FBLIM1: variants seen among roughly 807,000 people sequenced by gnomAD.
The protein encoded by FBLIM1 is filamin binding LIM protein 1.
In FBLIM1, 29 loss-of-function variants were observed where a neutral mutation model predicts 37.4. The observed-to-expected ratio is 0.77, with a 90% CI of 0.58 to 1.06. The LOEUF (loss-of-function observed/expected upper bound fraction) is 1.06. Ranked by LOEUF, FBLIM1 falls within the 50% of genes least tolerant of loss-of-function variation. The probability of loss-of-function intolerance (pLI) is 0.00; values close to 1 mark genes in which losing one functional copy is unlikely to be tolerated. For missense variants in FBLIM1, 449 were observed against 505.6 expected, an observed-to-expected ratio of 0.89 and a Z score of 1.07; for synonymous variants, 193 against 199.0, an observed-to-expected ratio of 0.97 and a Z score of 0.25.
rs367784869 is a variant in FBLIM1 at position 15,784,669 on chromosome 1, C to T, written c.*8C>T. ...GCTGCGGGGTGCTGCTGAGAGTGCCCGCTGGGCAGTGAACAGACCACTAGC... is the reference window on the plus strand; with the variant it reads ...GCTGCGGGGTGCTGCTGAGAGTGCCTGCTGGGCAGTGAACAGACCACTAGC... On this transcript the variant is annotated 3_prime_UTR_variant, in exon 9 of 9. Transcript: ENST00000375766. 4.3e-5 allele frequency: 69 copies of T among 1,612,958 alleles called. 1 individual carries two copies. The highest frequency in any genetic ancestry group is 6.7e-5 in the East Asian group (3 of 44,896).
Position 15,786,506 on chromosome 1 carries a change from C to T in FBLIM1, c.*1845C>T, listed in dbSNP as rs1433346716. 6.6e-6 allele frequency: 1 copy of T among 152,254 alleles called. No homozygotes were observed. Among genetic ancestry groups the T allele is most frequent in the Non-Finnish European group, 1.5e-5 (1 of 68,052 alleles). 9.4% of individuals were successfully genotyped at this position (152,254 alleles called of 1,614,324 possible). A position where few individuals can be genotyped will look rare whatever the true frequency, so the allele number is the denominator to read the frequency against. On this transcript the variant is annotated 3_prime_UTR_variant, in exon 9 of 9. Coordinates refer to ENST00000375766, the MANE Select transcript of FBLIM1 (RefSeq NM_017556.4). ...CTTCTGACTTTAGCCTCGTGCTGAG[C>T]CGTGTATCCATGCAGTCATGTTCAC... is the stretch of plus-strand genomic sequence containing the variant.
rs540701437 is a variant in FBLIM1 at position 15,766,637 on chromosome 1, C to T, written c.251-739C>T. Among the ~76,000 whole-genome samples, 18 of 151,086 alleles carry T rather than the reference C, an allele frequency of 1.2e-4. No homozygotes were observed. The South Asian group carries it at 1.5e-3, about 12-fold the overall frequency. ...TAGATGGAGTTTTGCTTTTGTTGCCCGGGCTGGAGTGCAGTGGCGCAATCT... is the reference window on the plus strand; with the variant it reads ...TAGATGGAGTTTTGCTTTTGTTGCCTGGGCTGGAGTGCAGTGGCGCAATCT... On this transcript the variant is annotated intron_variant, in intron 3 of 8. Transcript: ENST00000375766.
chr1:15,781,875 C>A (rs1337830623), intron 8 of FBLIM1, among the ~76,000 whole-genome samples: 2 of 63,886 alleles, frequency 3.1e-5, no homozygotes, highest in African/African-American at 1.3e-4. Context: ...CCTGCCACCA[C>A]GCCTGGCTAA....
At chr1:15,768,704 A>C (rs2069052105) in intron 5 of FBLIM1, 74 bp downstream of exon 5, 1 of 1,201,816 alleles carries the variant, frequency 8.3e-7, no homozygotes, top group South Asian at 1.7e-5. Context: ...AGAAACCAAG[A>C]GAGTGAGGAC....
intron 6 of FBLIM1, among the ~76,000 whole-genome samples, chr1:15,773,250 G>A (rs2069309032): frequency 6.6e-6 from 1 of 151,848 alleles, no homozygotes; most frequent in Non-Finnish European, 1.5e-5. Context: ...GCCAGGCATG[G>A]TGCGTGCCTG....
intron 8 of FBLIM1, among the ~76,000 whole-genome samples, chr1:15,781,986 G>A (rs1203825985): frequency 1.3e-5 from 2 of 151,732 alleles, no homozygotes; most frequent in East Asian, 3.9e-4. Flanking sequence ...CCAAAGAGCT[G>A]GAATTACAGG....
At position 15,765,186 on chromosome 1, in the gene FBLIM1, G is replaced by T. The variant is rs1370707729; in HGVS notation, c.203G>T (p.Arg68Ile). Residue 68 changes from arginine to isoleucine, a missense_variant, in exon 3 of 9, where the codon AGA becomes ATA. Physicochemically the swap from Arg to Ile is moderately conservative, Grantham distance 97. Coordinates refer to ENST00000375766, the MANE Select transcript of FBLIM1 (RefSeq NM_017556.4). This position sits in a 1 kb window ranked among gnomAD's most constrained non-coding sequence, Gnocchi z 5.9. ...CCCAGCCCCTGGACAACCCCTGGCA[G>T]AGCTGCAGCCACAGTGCCGGCTGCA... Reference protein sequence around the residue: ...GRPSPWTTPGRAAATVPAAPM... With the variant: ...GRPSPWTTPGIAAATVPAAPM... 1 of 1,613,798 alleles carries T rather than the reference G, an allele frequency of 6.2e-7. No homozygotes were observed. The highest frequency in any genetic ancestry group is 1.1e-5 in the South Asian group (1 of 91,044).
At chr1:15,769,078 C>G (rs1458535599) in intron 5 of FBLIM1, among the ~76,000 whole-genome samples, 1 of 152,152 alleles carries the variant, frequency 6.6e-6, no homozygotes, top group East Asian at 1.9e-4. Context: ...AAATATGTGT[C>G]CACCTGCTCC....
At chr1:15,770,603 G>A in intron 6 of FBLIM1, 25 bp downstream of exon 6, 1 of 1,610,170 alleles carries the variant, frequency 6.2e-7, no homozygotes, top group Non-Finnish European at 8.5e-7. Context: ...AGACCTCTGG[G>A]TGCCAGGCAG....
intron 1 of FBLIM1, among the ~76,000 whole-genome samples, chr1:15,759,738 G>T (rs1371590849): frequency 1.3e-5 from 2 of 152,108 alleles, no homozygotes; most frequent in East Asian, 1.9e-4. Flanking sequence ...ACCTATTCGG[G>T]GTCACCCCGC....
Position 15,784,652 on chromosome 1 carries a change from G to C in FBLIM1, c.1113G>C (p.Gly371=). Reference sequence around the variant, plus strand: ...GCCATGTGAAGCGGAGTGCTGCGGGGTGCTGCTGAGAGTGCCCGCTGGGCA... The same window carrying C: ...GCCATGTGAAGCGGAGTGCTGCGGGCTGCTGCTGAGAGTGCCCGCTGGGCA... The part of the protein sequence containing the change: ...KPCHVKRSAA[G]CC Residue 371 remains glycine (G), a synonymous_variant, in exon 9 of 9, where the codon GGG becomes GGC. Transcript: ENST00000375766. 1 of 1,613,936 alleles carries C rather than the reference G, an allele frequency of 6.2e-7. No homozygotes were observed. The highest frequency in any genetic ancestry group is 2.2e-5 in the East Asian group (1 of 44,886).
intron 6 of FBLIM1, among the ~76,000 whole-genome samples, chr1:15,773,491 C>A (rs1214199488): frequency 6.6e-6 from 1 of 151,378 alleles, no homozygotes; most frequent in Non-Finnish European, 1.5e-5. Context: ...CCAGCCTGAC[C>A]AACATGGAGA....
chr1:15,780,732 G>C (rs77421831), intron 8 of FBLIM1, among the ~76,000 whole-genome samples: 1 of 152,088 alleles, frequency 6.6e-6, no homozygotes, highest in Non-Finnish European at 1.5e-5. Context: ...TGAGTATTTC[G>C]ACACACCTGT....
intron 7 of FBLIM1, 47 bp downstream of exon 7, chr1:15,774,843 G>T (rs778918387): frequency 1.2e-6 from 2 of 1,613,902 alleles, no homozygotes; most frequent in Admixed American, 3.3e-5. Context: ...GACAGGGCGA[G>T]ACCCAAGCAG....
chr1:15,764,692 G>A lies in FBLIM1; in HGVS notation c.-21+7G>A. 2.2e-6 allele frequency: 1 copy of A among 461,610 alleles called. No individual in the cohort carries two copies. The highest frequency in any genetic ancestry group is 3.9e-6 in the Non-Finnish European group (1 of 259,512). 28.6% of individuals were successfully genotyped at this position (461,610 alleles called of 1,614,324 possible). A position where few individuals can be genotyped will look rare whatever the true frequency, so the allele number is the denominator to read the frequency against. ...CAAGGAAGAGTGATCATTGGTGAGG[G>A]CTGCCCTTTGCTCCCCTAGGTGTGC... On this transcript the variant is annotated splice_region_variant and intron_variant, in intron 2 of 8. Coordinates refer to ENST00000375766, the MANE Select transcript of FBLIM1 (RefSeq NM_017556.4).
Position 15,764,974 on chromosome 1 carries a change from A to G in FBLIM1, c.-10A>G, listed in dbSNP as rs1333516119. 6.2e-7 allele frequency: 1 copy of G among 1,609,640 alleles called. No homozygotes were observed. The highest frequency in any genetic ancestry group is 2.2e-5 in the East Asian group (1 of 44,820). On this transcript the variant is annotated 5_prime_UTR_variant, in exon 3 of 9. Coordinates refer to ENST00000375766, the MANE Select transcript of FBLIM1 (RefSeq NM_017556.4). ...CCACTCTGTCCCTAGCCACACCAGG[A>G]GCTGAAGCCATGGCCTCAAAGCCTG...
In FBLIM1 at chr1:15,774,770, G is replaced by A; in HGVS notation, c.864G>A (p.Glu288=). Residue 288 remains glutamate (E), a synonymous_variant, in exon 7 of 9, where the codon GAG becomes GAA. Transcript: ENST00000375766. ...GCTTTGCCCTGGGCAGCCAGAACGA[G>A]GTGTACTGCCTGGACGACTTCTACA... ...DESFALGSQN[E]VYCLDDFYRK... 1 of 1,614,186 alleles carries A rather than the reference G, an allele frequency of 6.2e-7. No homozygotes were observed. The highest frequency in any genetic ancestry group is 8.5e-7 in the Non-Finnish European group (1 of 1,180,020).
intron 6 of FBLIM1, among the ~76,000 whole-genome samples, chr1:15,773,181 T>A (rs1320534651): frequency 2.6e-5 from 4 of 152,072 alleles, no homozygotes; most frequent in South Asian, 2.1e-4. Flanking sequence ...AGGTTAGGAG[T>A]TCGAGACCAG....
chr1:15,777,437 C>G (rs917132889), intron 8 of FBLIM1, 150 bp downstream of exon 8: 1 of 567,070 alleles, frequency 1.8e-6, no homozygotes, highest in South Asian at 2.4e-5. Flanking sequence ...ACTGGAAATG[C>G]AACCATAGTC....
Sources: allele counts gnomAD v4.1 joint callset (sites outside exome capture counted in the v4.1 genomes callset), GRCh38; gene constraint gnomAD v4.1.1; non-coding constraint Gnocchi (gnomAD v3.1); transcripts MANE v1.5; gene names NCBI Gene and HGNC (gene_info 2026-07-23, HGNC 2026-07-21).